Variants in SASH1 observed in about 807,000 individuals in gnomAD.
SASH1 encodes the protein SAM and SH3 domain-containing protein 1.
A neutral mutation model predicts 125.2 loss-of-function variants in SASH1; 44 were observed. The observed-to-expected ratio is 0.35, with a 90% CI of 0.28 to 0.45. The LOEUF (loss-of-function observed/expected upper bound fraction) is 0.45. Ranked by LOEUF, SASH1 falls within the 20% of genes least tolerant of loss-of-function variation. The pLI is 1.00. For missense variants in SASH1, 1,426 were observed against 1,614.5 expected, an observed-to-expected ratio of 0.88 and a Z score of 2.00; for synonymous variants, 639 against 649.1, an observed-to-expected ratio of 0.98 and a Z score of 0.24.
intron 1 of SASH1, among the ~76,000 whole-genome samples, chr6:148,301,593 T>G (rs1456186957): frequency 6.8e-6 from 1 of 147,788 alleles, no homozygotes; most frequent in Non-Finnish European, 1.5e-5. Context: ...TTTCTTTTCT[T>G]TTTGAGACAG....
the SASH1 span, among the ~76,000 whole-genome samples, chr6:148,226,666 G>A: frequency 0.029 from 4,414 of 152,258 alleles, 218 homozygotes; most frequent in African/African-American, 0.1. Context: ...TCGAGGACAC[G>A]TAGCCTGTGT....
chr6:148,522,263 A>G (rs1780863096), intron 10 of SASH1, among the ~76,000 whole-genome samples: 2 of 152,244 alleles, frequency 1.3e-5, no homozygotes, highest in Admixed American at 1.3e-4. Flanking sequence ...TTCTTGTAGT[A>G]CAGTTGTACA....
At chr6:148,291,248 G>A (rs950566105) in intron 1 of SASH1, among the ~76,000 whole-genome samples, 3 of 152,204 alleles carry the variant, frequency 2.0e-5, no homozygotes, top group African/African-American at 7.2e-5. Flanking sequence ...AAATGATAAA[G>A]ATTTGAGGTG....
intron 1 of SASH1, among the ~76,000 whole-genome samples, chr6:148,333,559 G>T (rs978913644): frequency 6.6e-6 from 1 of 151,704 alleles, no homozygotes; most frequent in Non-Finnish European, 1.5e-5. Context: ...ATAAAATATC[G>T]TTGTCGCTGT....
At chr6:148,299,420 A>T (rs571733965) in intron 1 of SASH1, among the ~76,000 whole-genome samples, 1 of 152,190 alleles carries the variant, frequency 6.6e-6, no homozygotes, top group African/African-American at 2.4e-5. Context: ...TAGTCCCAGC[A>T]CTTTGGGAGG....
intron 1 of SASH1, among the ~76,000 whole-genome samples, chr6:148,379,539 T>A (rs952437956): frequency 6.6e-6 from 1 of 152,160 alleles, no homozygotes; most frequent in Admixed American, 6.6e-5. Context: ...AATTCCTAGT[T>A]ACCGAGTGAA....
chr6:148,335,464 CAA>C (rs534202487), intron 1 of SASH1, among the ~76,000 whole-genome samples: 11,539 of 79,526 alleles, frequency 0.15, 335 homozygotes, highest in African/African-American at 0.21. Context: ...GACTCTGTCT[CAA>C]AAAAAAAAAA....
intron 1 of SASH1, among the ~76,000 whole-genome samples, chr6:148,329,556 G>A (rs1275912794): frequency 1.3e-5 from 2 of 152,140 alleles, no homozygotes; most frequent in African/African-American, 4.8e-5. Context: ...TTTCTTCATA[G>A]AGTTCATTTA....
At position 148,519,446 on chromosome 6, in the gene SASH1, T is replaced by C. The variant is rs1780660126; in HGVS notation, c.863-101T>C. On this transcript the variant is annotated intron_variant, in intron 9 of 19. Transcript: ENST00000367467. This position sits in a 1 kb window ranked among gnomAD's most constrained non-coding sequence, Gnocchi z 4.8. ...CATATGTAAGTGGGAGCTGGGTTTA[T>C]AAAGAGGGTCATGATACGGAGAAAG... 1 of 828,934 alleles carries C rather than the reference T, an allele frequency of 1.2e-6. No homozygotes were observed. Among genetic ancestry groups the C allele is most frequent in the Non-Finnish European group, 1.9e-6 (1 of 518,096 alleles). The allele number at this position is 828,934 out of a possible 1,614,324, so 51.3% of individuals were successfully genotyped here.
the SASH1 span, among the ~76,000 whole-genome samples, chr6:148,265,770 C>G: frequency 6.6e-6 from 1 of 152,108 alleles, no homozygotes; most frequent in Non-Finnish European, 1.5e-5. Flanking sequence ...GGCCTTAATT[C>G]AGGGAACTAC....
the SASH1 span, among the ~76,000 whole-genome samples, chr6:148,241,921 G>A: frequency 4.6e-5 from 7 of 152,280 alleles, no homozygotes; most frequent in African/African-American, 7.2e-5. Context: ...AATGTTAAAT[G>A]TTATTTTAAT....
intron 2 of SASH1, among the ~76,000 whole-genome samples, chr6:148,432,831 T>C (rs1473762039): frequency 6.6e-6 from 1 of 152,254 alleles, no homozygotes; most frequent in Admixed American, 6.5e-5. Flanking sequence ...GATCTAATTC[T>C]GCCCTGGGTG....
At chr6:148,239,111 C>T in the SASH1 span, among the ~76,000 whole-genome samples, 2 of 152,110 alleles carry the variant, frequency 1.3e-5, no homozygotes, top group East Asian at 3.9e-4. Flanking sequence ...TTTTGAGGGG[C>T]TTCTGAACTT....
chr6:148,417,582 A>AAAAAAAAAAAATAAAT (rs139692415), intron 2 of SASH1, among the ~76,000 whole-genome samples: 150 of 147,788 alleles, frequency 1.0e-3, no homozygotes, highest in African/African-American at 2.7e-3. Context: ...GGACTCTGTC[A>AAAAAAAAAAAATAAAT]AAATAAATAA....
chr6:148,250,103 T>C, the SASH1 span, among the ~76,000 whole-genome samples: 5 of 152,172 alleles, frequency 3.3e-5, no homozygotes, highest in African/African-American at 1.2e-4. Flanking sequence ...CCTGTGCTCT[T>C]AGCATTGCCA....
chr6:148,521,029 A>G (rs969415042), intron 10 of SASH1, among the ~76,000 whole-genome samples: 1 of 152,240 alleles, frequency 6.6e-6, no homozygotes, highest in African/African-American at 2.4e-5. Flanking sequence ...TTCTGTACTC[A>G]GCAAGGAATA....
At chr6:148,327,252 A>T (rs1711514856) in intron 1 of SASH1, among the ~76,000 whole-genome samples, 1 of 152,076 alleles carries the variant, frequency 6.6e-6, no homozygotes, top group Non-Finnish European at 1.5e-5. Flanking sequence ...CGAATGAATG[A>T]ATGAATGAAT....
At chr6:148,215,768 T>G in the SASH1 span, among the ~76,000 whole-genome samples, 1 of 152,206 alleles carries the variant, frequency 6.6e-6, no homozygotes, top group Non-Finnish European at 1.5e-5. Context: ...TTGCTGTGCT[T>G]GCTGGAACTT....
rs1354354915 is a variant in SASH1 at position 148,445,886 on chromosome 6, G to C, written c.386+5479G>C. On this transcript the variant is annotated intron_variant, in intron 4 of 19. Transcript: ENST00000367467. ...TCAGGGGGCCCAGGATATAGTGATG[G>C]ACAGAACTGTCACGAGCTTACGTTT... Among the ~76,000 whole-genome samples, 4 of 152,042 alleles carry C rather than the reference G, an allele frequency of 2.6e-5. No homozygotes were observed. In the East Asian group the frequency reaches 7.7e-4, roughly 29 times the overall value.
Sources: gnomAD v4.1 joint callset for allele counts (sites outside exome capture counted in the v4.1 genomes callset) on GRCh38, gnomAD v4.1.1 for gene constraint, Gnocchi (gnomAD v3.1) non-coding constraint, MANE v1.5 for transcripts, NCBI Gene and HGNC (gene_info 2026-07-23, HGNC 2026-07-21) for gene names.